RNF122: variants seen among roughly 807,000 people sequenced by gnomAD.
The protein encoded by RNF122 is ring finger protein 122.
A neutral mutation model predicts 24.2 loss-of-function variants in RNF122; 17 were observed. That is an observed-to-expected ratio of 0.70 (90% CI 0.48 to 1.06). RNF122 has a LOEUF of 1.06. RNF122 is among the 50% of genes least tolerant of loss of function. The probability of loss-of-function intolerance (pLI) is 0.00; values close to 1 mark genes in which losing one functional copy is unlikely to be tolerated. For missense variants in RNF122, 168 were observed against 198.1 expected, an observed-to-expected ratio of 0.85 and a Z score of 0.91; for synonymous variants, 65 against 71.8, an observed-to-expected ratio of 0.91 and a Z score of 0.48.
chr8:33,556,340 T>G (rs1810452249), intron 2 of RNF122, among the ~76,000 whole-genome samples: 1 of 152,116 alleles, frequency 6.6e-6, no homozygotes, highest in Non-Finnish European at 1.5e-5. Flanking sequence ...TTTCAAACTC[T>G]TGGACTCAAG....
chr8:33,551,475 T>C, intron 2 of RNF122, 86 bp from the exon 3 acceptor site: 1 of 1,409,244 alleles, frequency 7.1e-7, no homozygotes, highest in Non-Finnish European at 1.0e-6. Context: ...TTGGGCATTC[T>C]TCCGAGGGCA....
At chr8:33,553,289 C>T (rs1585357434) in intron 2 of RNF122, among the ~76,000 whole-genome samples, 1 of 151,614 alleles carries the variant, frequency 6.6e-6, no homozygotes, top group African/African-American at 2.4e-5. Context: ...GGTTTTTATT[C>T]TTAAATGGTT....
intron 1 of RNF122, among the ~76,000 whole-genome samples, chr8:33,562,494 A>G (rs1484779232): frequency 6.7e-6 from 1 of 149,322 alleles, no homozygotes; most frequent in South Asian, 2.1e-4. Context: ...GTGAGCCACA[A>G]TTGCACCACT....
intron 1 of RNF122, among the ~76,000 whole-genome samples, chr8:33,564,786 C>G (rs538854833): frequency 1.3e-5 from 2 of 152,152 alleles, no homozygotes; most frequent in Admixed American, 6.5e-5. Context: ...GCAGGAGAAC[C>G]GCTTGAACCC....
intron 1 of RNF122, 104 bp downstream of exon 1, chr8:33,566,595 C>T (rs1585364485): frequency 8.2e-7 from 1 of 1,216,016 alleles, no homozygotes; most frequent in African/African-American, 1.5e-5. Flanking sequence ...TCAGGAGAAA[C>T]TTGGTTCCCG....
chr8:33,554,029 C>A (rs1170064944), intron 2 of RNF122, among the ~76,000 whole-genome samples: 1 of 152,244 alleles, frequency 6.6e-6, no homozygotes, highest in Non-Finnish European at 1.5e-5. Context: ...GCAGAGAGCT[C>A]CTTGGTCCAG....
chr8:33,552,555 T>C lies in RNF122; in HGVS notation c.183-1166A>G, dbSNP rs571547383. Among the ~76,000 whole-genome samples the C allele has an allele frequency of 1.8e-4, 27 of 152,344 alleles. No homozygotes were observed. In the South Asian group the frequency reaches 4.8e-3, roughly 27 times the overall value. ...AAGCTCTTTACCATATAATGTGGTC[T>C]GTTCCCCTAATCAGGTGGAATACAT... On this transcript the variant is annotated intron_variant, in intron 2 of 5. Transcript: ENST00000256257.
chr8:33,559,827 C>T (rs1289093795), intron 1 of RNF122, among the ~76,000 whole-genome samples: 2 of 147,162 alleles, frequency 1.4e-5, no homozygotes, highest in Non-Finnish European at 3.0e-5. Flanking sequence ...CTAACTGAAT[C>T]AGGACCTACG....
chr8:33,549,008 G>A, intron 5 of RNF122, 141 bp from the exon 6 acceptor site: 3 of 670,530 alleles, frequency 4.5e-6, no homozygotes, highest in Non-Finnish European at 8.2e-6. Flanking sequence ...ATCACCTGAG[G>A]TCAGGAGTTC....
intron 2 of RNF122, among the ~76,000 whole-genome samples, chr8:33,557,700 A>G (rs1027606165): frequency 6.6e-6 from 1 of 152,066 alleles, no homozygotes; most frequent in Non-Finnish European, 1.5e-5. Context: ...TCAACAAGAG[A>G]TAAGAGAAAG....
intron 2 of RNF122, among the ~76,000 whole-genome samples, chr8:33,555,202 TTTTG>T (rs956454465): frequency 3.9e-5 from 6 of 152,046 alleles, no homozygotes; most frequent in Non-Finnish European, 4.4e-5. Flanking sequence ...TTGGGTTTTT[TTTTG>T]TTTGTTTGTT....
chr8:33,565,684 G>A (rs941586542), intron 1 of RNF122, among the ~76,000 whole-genome samples: 2 of 152,162 alleles, frequency 1.3e-5, no homozygotes, highest in African/African-American at 4.8e-5. Context: ...ACCCAGGCCT[G>A]GGGAGAAATG....
At position 33,566,724 on chromosome 8, in the gene RNF122, CA is replaced by C. The variant is rs1810631545; in HGVS notation, c.-2del. On this transcript the variant is annotated 5_prime_UTR_variant, in exon 1 of 6. The change creates a new upstream start codon in the 5' untranslated region. Coordinates refer to ENST00000256257, the MANE Select transcript of RNF122 (RefSeq NM_024787.3). ...CGTTACACCACTGGAATGGGTGCATCAATGAAGTCGCGGTTGGCTTCCTCGG... is the reference window on the plus strand; with the variant it reads ...CGTTACACCACTGGAATGGGTGCATCATGAAGTCGCGGTTGGCTTCCTCGG... The C allele has an allele frequency of 6.2e-7, 1 of 1,605,258 alleles. No individual in the cohort carries two copies. Among genetic ancestry groups the C allele is most frequent in the African/African-American group, 1.3e-5 (1 of 74,838 alleles).
At chr8:33,559,988 C>T (rs1401322375) in intron 1 of RNF122, among the ~76,000 whole-genome samples, 4 of 151,808 alleles carry the variant, frequency 2.6e-5, no homozygotes, top group Non-Finnish European at 5.9e-5. Context: ...ATTATAGGCG[C>T]ACGCCACCAT....
rs2128841397 is a variant in RNF122, at chr8:33,567,109, G to A, written c.-386C>T. 7.2e-6 allele frequency: 2 copies of A among 277,088 alleles called. No individual in the cohort carries two copies. The highest frequency in any genetic ancestry group is 5.2e-5 in the Admixed American group (1 of 19,132). 17.2% of individuals were successfully genotyped at this position (277,088 alleles called of 1,614,324 possible). A position where few individuals can be genotyped will look rare whatever the true frequency, so the allele number is the denominator to read the frequency against. On this transcript the variant is annotated 5_prime_UTR_variant, in exon 1 of 6. Coordinates refer to ENST00000256257, the MANE Select transcript of RNF122 (RefSeq NM_024787.3). ...GGTTCAGCGGCGCAGAGGTGAGCTG[G>A]CTGGGGTTCCGAAACTGACACCCGG...
rs200560004 is a variant in RNF122 at position 33,551,122 on chromosome 8, A to C, written c.229-37T>G. ...GAGGAGGCATGATGTCCAAAGAAGA[A>C]CCAACCACTGGGGCCAGCCAGGTAG... On this transcript the variant is annotated intron_variant, in intron 3 of 5. Transcript: ENST00000256257. The C allele has an allele frequency of 3.1e-6, 5 of 1,612,168 alleles. No homozygotes were observed. In the Admixed American group the frequency reaches 6.7e-5, roughly 21 times the overall value.
At chr8:33,561,370 G>A (rs148924770) in intron 1 of RNF122, among the ~76,000 whole-genome samples, 102 of 152,174 alleles carry the variant, frequency 6.7e-4, no homozygotes, top group African/African-American at 2.3e-3. Flanking sequence ...CCTTACTGAT[G>A]ACTATATAAC....
intron 1 of RNF122, among the ~76,000 whole-genome samples, chr8:33,564,231 G>C (rs960264984): frequency 6.6e-6 from 1 of 152,138 alleles, no homozygotes; most frequent in Non-Finnish European, 1.5e-5. Flanking sequence ...CAAAGGACAG[G>C]ATCTCTCAGT....
Position 33,566,935 on chromosome 8 carries a change from C to G in RNF122, c.-212G>C. On this transcript the variant is annotated 5_prime_UTR_variant, in exon 1 of 6. Coordinates refer to ENST00000256257, the MANE Select transcript of RNF122 (RefSeq NM_024787.3). ...CAAAGAGGGACGAGGAGGAAACAAA[C>G]AAAGTCCCGCGGAGCACAGCCGCAC... 1 of 604,728 alleles carries G rather than the reference C, an allele frequency of 1.7e-6. No individual in the cohort carries two copies. The highest frequency in any genetic ancestry group is 3.0e-6 in the Non-Finnish European group (1 of 337,950). 37.5% of individuals were successfully genotyped at this position (604,728 alleles called of 1,614,324 possible). A position where few individuals can be genotyped will look rare whatever the true frequency, so the allele number is the denominator to read the frequency against.
Sources: gnomAD v4.1 joint callset for allele counts (sites outside exome capture counted in the v4.1 genomes callset) on GRCh38, gnomAD v4.1.1 for gene constraint, MANE v1.5 for transcripts, NCBI Gene and HGNC (gene_info 2026-07-23, HGNC 2026-07-21) for gene names.